ARHGAP35: variants seen among roughly 807,000 people sequenced by gnomAD.
ARHGAP35 encodes Rho GTPase activating protein 35.
In ARHGAP35, 15 loss-of-function variants were observed where a neutral mutation model predicts 111.1. The ratio of observed to expected loss-of-function variants is 0.13; its 90% CI spans 0.09 to 0.21. The LOEUF is 0.21. Among genes scored for constraint, ARHGAP35 ranks in the 10% least tolerant of loss-of-function variants. The pLI, the probability that ARHGAP35 is intolerant of heterozygous loss-of-function variation, is 1.00. For synonymous variants in ARHGAP35, 643 were observed against 710.3 expected (o/e 0.91, Z 1.51); for missense variants, 1,262 against 1,873.0 (o/e 0.67, Z 6.02).
chr19:46,873,812 G>A (rs1032132424), intron 1 of ARHGAP35, among the ~76,000 whole-genome samples: 76 of 151,376 alleles, frequency 5.0e-4, no homozygotes, highest in Non-Finnish European at 8.7e-4. Flanking sequence ...GCAGTGGCAC[G>A]ATCTCGGCTC....
At chr19:46,929,704 G>A (rs762184229) in intron 2 of ARHGAP35, among the ~76,000 whole-genome samples, 2 of 148,122 alleles carry the variant, frequency 1.4e-5, no homozygotes, top group Admixed American at 1.4e-4. Context: ...ACTTGAGGTC[G>A]GGAGTTCAAG....
In ARHGAP35 at chr19:47,002,972, A is replaced by G. The variant is rs986285187; in HGVS notation, c.*2284A>G. 6.6e-6 allele frequency: 1 copy of G among 152,350 alleles called. No homozygotes were observed. The highest frequency in any genetic ancestry group is 2.4e-5 in the African/African-American group (1 of 41,456). 9.4% of individuals were successfully genotyped at this position (152,350 alleles called of 1,614,324 possible). On this transcript the variant is annotated 3_prime_UTR_variant, in exon 7 of 7. Coordinates refer to ENST00000672722, the MANE Select transcript of ARHGAP35 (RefSeq NM_004491.5). ...CTGAAACTAGGTCTGGGGCACTCCC[A>G]ATGCAGCGCCTTGTCAGCCAAGGTG...
In ARHGAP35 at chr19:46,918,709, C is replaced by T; in HGVS notation, c.34C>T (p.Pro12Ser). The stretch of plus-strand genomic sequence containing the variant: ...GGCAAGAAAGCAAGATGTCCGAATT[C>T]CCACCTACAACATCAGTGTGGTGGG... ...MMARKQDVRI[P>S]TYNISVVGLS... The change falls in exon 2 of 7, where the codon CCC (proline) becomes TCC (serine). Residue 12 changes from proline (P) to serine (S), a missense_variant. Transcript: ENST00000672722. The surrounding 1 kb of genome is among the most constrained non-coding windows in gnomAD (Gnocchi z 5.4). The T allele has an allele frequency of 6.2e-7, 1 of 1,613,482 alleles. No homozygotes were observed. Among genetic ancestry groups the T allele is most frequent in the African/African-American group, 1.3e-5 (1 of 74,990 alleles).
intron 3 of ARHGAP35, among the ~76,000 whole-genome samples, chr19:46,973,307 T>C (rs1213125267): frequency 2.0e-5 from 3 of 151,904 alleles, no homozygotes; most frequent in Non-Finnish European, 4.4e-5. Flanking sequence ...GAGGTTGCAG[T>C]GAGTCGAGAT....
intron 1 of ARHGAP35, among the ~76,000 whole-genome samples, chr19:46,876,711 T>C (rs1300255200): frequency 6.6e-6 from 1 of 151,964 alleles, no homozygotes; most frequent in African/African-American, 2.4e-5. Flanking sequence ...ACTCGCTGTG[T>C]TGCCCAGGCT....
intron 1 of ARHGAP35, among the ~76,000 whole-genome samples, chr19:46,898,088 A>C (rs1235734969): frequency 6.6e-6 from 1 of 152,102 alleles, no homozygotes; most frequent in South Asian, 2.1e-4. Flanking sequence ...CTAAAAATAC[A>C]AAAATTAGCC....
At chr19:46,869,826 G>A (rs937435906) in intron 1 of ARHGAP35, among the ~76,000 whole-genome samples, 14 of 151,982 alleles carry the variant, frequency 9.2e-5, no homozygotes, top group African/African-American at 3.4e-4. Context: ...TAAATGATTG[G>A]TGATAAAATG....
intron 1 of ARHGAP35, among the ~76,000 whole-genome samples, chr19:46,872,494 G>A (rs978876688): frequency 3.3e-5 from 5 of 150,398 alleles, no homozygotes; most frequent in African/African-American, 1.2e-4. Context: ...AAGAAAAATT[G>A]AGCTGAAAAG....
At chr19:46,973,459 G>C (rs2056562385) in intron 3 of ARHGAP35, among the ~76,000 whole-genome samples, 1 of 151,450 alleles carries the variant, frequency 6.6e-6, no homozygotes, top group African/African-American at 2.4e-5. Flanking sequence ...GGGAGGCCAA[G>C]GCGGGTGGAT....
At chr19:46,941,801 C>T (rs2056348596) in intron 3 of ARHGAP35, among the ~76,000 whole-genome samples, 1 of 102,396 alleles carries the variant, frequency 9.8e-6, no homozygotes, top group Non-Finnish European at 2.3e-5. Flanking sequence ...CTTAAGCCAT[C>T]CTCCCACCTT....
At position 47,001,568 on chromosome 19, in the gene ARHGAP35, C is replaced by A; in HGVS notation, c.*880C>A. ...TGTGGCCTGAGGGCCTGCTGGGGTC[C>A]CACTCACCCACTTAGGTCTAGTCGC... On this transcript the variant is annotated 3_prime_UTR_variant, in exon 7 of 7. Transcript: ENST00000672722. The surrounding 1 kb of genome is among the most constrained non-coding windows in gnomAD (Gnocchi z 5.4). The A allele has an allele frequency of 2.3e-6, 1 of 426,402 alleles. No homozygotes were observed. Among genetic ancestry groups the A allele is most frequent in the Non-Finnish European group, 4.1e-6 (1 of 241,422 alleles). 26.4% of individuals were successfully genotyped at this position (426,402 alleles called of 1,614,324 possible). A position where few individuals can be genotyped will look rare whatever the true frequency, so the allele number is the denominator to read the frequency against.
intron 1 of ARHGAP35, among the ~76,000 whole-genome samples, chr19:46,883,666 C>T (rs2055977462): frequency 1.3e-5 from 2 of 152,158 alleles, no homozygotes; most frequent in Non-Finnish European, 2.9e-5. Flanking sequence ...AAAAATGATG[C>T]TGATAGACTT....
At chr19:46,886,324 T>G (rs1219875101) in intron 1 of ARHGAP35, among the ~76,000 whole-genome samples, 1 of 152,204 alleles carries the variant, frequency 6.6e-6, no homozygotes, top group Non-Finnish European at 1.5e-5. Context: ...TTAAAATTTT[T>G]ATTATTATTA....
chr19:46,956,956 CTTTTTTT>C (rs11449203), intron 3 of ARHGAP35, among the ~76,000 whole-genome samples: 15 of 107,598 alleles, frequency 1.4e-4, no homozygotes, highest in Admixed American at 1.3e-3. Context: ...TTAAAGCAGA[CTTTTTTT>C]TTTTTTTTTT....
At chr19:46,874,501 C>CTTTTTTT (rs758783354) in intron 1 of ARHGAP35, among the ~76,000 whole-genome samples, 8 of 114,448 alleles carry the variant, frequency 7.0e-5, no homozygotes, top group Admixed American at 2.0e-4. Flanking sequence ...TATGTTTTGT[C>CTTTTTTT]TTTTTTTTTT....
chr19:46,936,267 T>C (rs1302353313), intron 2 of ARHGAP35, among the ~76,000 whole-genome samples: 2 of 152,126 alleles, frequency 1.3e-5, no homozygotes, highest in African/African-American at 4.8e-5. Context: ...ATAATAATAT[T>C]TGGAACTTAG....
chr19:46,861,260 G>C (rs1488529244), intron 1 of ARHGAP35, among the ~76,000 whole-genome samples, 51 bp downstream of exon 1: 1 of 151,098 alleles, frequency 6.6e-6, no homozygotes, highest in African/African-American at 2.4e-5. Flanking sequence ...GCGCCGCCCC[G>C]CTGCGGGGTC....
chr19:46,876,670 C>G (rs932705539), intron 1 of ARHGAP35, among the ~76,000 whole-genome samples: 1 of 151,180 alleles, frequency 6.6e-6, no homozygotes, highest in Non-Finnish European at 1.5e-5. Flanking sequence ...CATGCCCAGC[C>G]TAAATGTTTT....
intron 2 of ARHGAP35, among the ~76,000 whole-genome samples, chr19:46,928,238 A>C (rs1193135742): frequency 1.3e-5 from 2 of 152,294 alleles, no homozygotes; most frequent in Admixed American, 1.3e-4. Flanking sequence ...TTAAAAAAAA[A>C]TTACGATAGG....
Sources: gnomAD v4.1 joint callset for allele counts (sites outside exome capture counted in the v4.1 genomes callset) on GRCh38, gnomAD v4.1.1 for gene constraint, Gnocchi (gnomAD v3.1) non-coding constraint, MANE v1.5 for transcripts, NCBI Gene and HGNC (gene_info 2026-07-23, HGNC 2026-07-21) for gene names.